The following C10orf90 variants were observed in gnomAD, a reference collection of about 807,000 sequenced individuals.
C10orf90 encodes (E2-independent) E3 ubiquitin-conjugating enzyme FATS.
A neutral mutation model predicts 62.5 loss-of-function variants in C10orf90; 56 were observed. The ratio of observed to expected loss-of-function variants is 0.90; its 90% CI spans 0.72 to 1.12. C10orf90 has a LOEUF of 1.12. Among genes scored for constraint, C10orf90 ranks in the 50% most tolerant of loss-of-function variants. The pLI is 0.00. For synonymous variants in C10orf90, 386 were observed against 340.4 expected (o/e 1.13, Z -1.47); for missense variants, 970 against 880.4 (o/e 1.10, Z -1.29).
At chr10:126,489,990 A>T (rs1191353097) in intron 4 of C10orf90, among the ~76,000 whole-genome samples, 8 of 103,528 alleles carry the variant, frequency 7.7e-5, no homozygotes, top group Admixed American at 1.3e-4. Flanking sequence ...TATATATATA[A>T]TATATATTAT....
intron 1 of C10orf90, among the ~76,000 whole-genome samples, chr10:126,647,952 ATGT>A (rs1846204408): frequency 6.6e-6 from 1 of 152,114 alleles, no homozygotes; most frequent in Admixed American, 6.6e-5. Context: ...TGTGTTCCAA[ATGT>A]TGTTTTTGTT....
intron 2 of C10orf90, among the ~76,000 whole-genome samples, chr10:126,598,448 G>T (rs1845129708): frequency 6.6e-6 from 1 of 151,618 alleles, no homozygotes; most frequent in African/African-American, 2.4e-5. Context: ...TAATATCTTT[G>T]AGCACCAAAT....
chr10:126,446,916 G>T (rs1380740098), intron 7 of C10orf90, among the ~76,000 whole-genome samples: 1 of 152,064 alleles, frequency 6.6e-6, no homozygotes, highest in East Asian at 1.9e-4. Context: ...ACAGAATTTT[G>T]TGTAAAATCA....
At chr10:126,669,982 C>A (rs1265707571) in intron 1 of C10orf90, among the ~76,000 whole-genome samples, 1 of 152,162 alleles carries the variant, frequency 6.6e-6, no homozygotes, top group Admixed American at 6.5e-5. Context: ...GTCTTTGGAG[C>A]ACCAATAAAG....
At chr10:126,619,437 A>G (rs1845604455) in intron 2 of C10orf90, among the ~76,000 whole-genome samples, 1 of 152,150 alleles carries the variant, frequency 6.6e-6, no homozygotes, top group Non-Finnish European at 1.5e-5. Context: ...AACTGCTTCA[A>G]ATCTTTATAA....
intron 2 of C10orf90, among the ~76,000 whole-genome samples, chr10:126,594,442 T>A (rs1011364352): frequency 1.3e-5 from 2 of 152,172 alleles, no homozygotes; most frequent in Admixed American, 6.5e-5. Flanking sequence ...TCCTGAGTTA[T>A]GTGACTCACT....
chr10:126,575,839 T>C (rs11816654), intron 2 of C10orf90, among the ~76,000 whole-genome samples: 5,182 of 152,144 alleles, frequency 0.034, 299 homozygotes, highest in African/African-American at 0.12. Context: ...ATCTCTTCAA[T>C]ATATAGTGCT....
intron 1 of C10orf90, among the ~76,000 whole-genome samples, 195 bp downstream of exon 1, chr10:126,670,046 C>A (rs931543758): frequency 2.0e-5 from 3 of 152,238 alleles, no homozygotes; most frequent in Admixed American, 1.3e-4. Flanking sequence ...ATATACTTTC[C>A]CCCTCCCCCA....
intron 2 of C10orf90, among the ~76,000 whole-genome samples, chr10:126,633,505 G>T (rs565286701): frequency 2.1e-4 from 32 of 152,358 alleles, no homozygotes; most frequent in African/African-American, 7.7e-4. Flanking sequence ...AGGAGGCTCC[G>T]TGGCAAGCTG....
intron 2 of C10orf90, among the ~76,000 whole-genome samples, chr10:126,634,713 A>G (rs1341582590): frequency 1.3e-5 from 2 of 152,226 alleles, no homozygotes; most frequent in Non-Finnish European, 2.9e-5. Context: ...AATGCAAGGT[A>G]GGTACTATCA....
chr10:126,534,037 A>G (rs959102655), intron 2 of C10orf90, among the ~76,000 whole-genome samples: 1 of 152,222 alleles, frequency 6.6e-6, no homozygotes, highest in Admixed American at 6.5e-5. Flanking sequence ...AAGAGGGAGG[A>G]GGAGATGTGA....
chr10:126,613,977 GA>G (rs1363750097), intron 2 of C10orf90, among the ~76,000 whole-genome samples: 2 of 152,172 alleles, frequency 1.3e-5, no homozygotes. Context: ...GAGGCTCCAT[GA>G]ATCTGATGCC....
At chr10:126,614,734 C>T (rs953099180) in intron 2 of C10orf90, among the ~76,000 whole-genome samples, 1 of 152,182 alleles carries the variant, frequency 6.6e-6, no homozygotes, top group African/African-American at 2.4e-5. Context: ...TGCTCGATGA[C>T]TCCAAAGGAC....
chr10:126,598,603 A>C (rs1278369431), intron 2 of C10orf90, among the ~76,000 whole-genome samples: 1 of 152,092 alleles, frequency 6.6e-6, no homozygotes, highest in East Asian at 1.9e-4. Flanking sequence ...GTCTTCCTCT[A>C]TCAGATCTGT....
intron 2 of C10orf90, among the ~76,000 whole-genome samples, chr10:126,644,396 C>T (rs1172305062): frequency 6.6e-6 from 1 of 152,232 alleles, no homozygotes; most frequent in Non-Finnish European, 1.5e-5. Flanking sequence ...CGGGAAGACA[C>T]AGAAAACATG....
intron 2 of C10orf90, among the ~76,000 whole-genome samples, chr10:126,629,823 C>T (rs1845816703): frequency 6.6e-6 from 1 of 152,024 alleles, no homozygotes; most frequent in Admixed American, 6.5e-5. Flanking sequence ...AAGCACTGTC[C>T]AGGGACAGGC....
At chr10:126,526,798 C>T (rs953151406) in intron 2 of C10orf90, among the ~76,000 whole-genome samples, 31 of 152,184 alleles carry the variant, frequency 2.0e-4, no homozygotes, top group Admixed American at 5.2e-4. Context: ...TGGACATATC[C>T]TATAAATTGA....
In C10orf90 at chr10:126,504,256, A is replaced by G; in HGVS notation, c.1235T>C (p.Ile412Thr). Reference sequence around the variant, plus strand: ...GAGCTCCTGCTTCAGGGCTTCGCTTATTGGCTCTCTGTTCACTAGGCCATC... The same window carrying G: ...GAGCTCCTGCTTCAGGGCTTCGCTTGTTGGCTCTCTGTTCACTAGGCCATC... ...GVDGLVNREPISEALKQELLE... is the reference protein window; with the variant it reads ...GVDGLVNREPTSEALKQELLE... Residue 412 changes from isoleucine (I) to threonine (T), a missense_variant, in exon 4 of 10, where the codon ATA (isoleucine) becomes ACA (threonine). Coordinates refer to ENST00000488181, the MANE Select transcript of C10orf90 (RefSeq NM_001350921.2). This position sits in a 1 kb window ranked among gnomAD's most constrained non-coding sequence, Gnocchi z 4.1. 6.2e-7 allele frequency: 1 copy of G among 1,614,128 alleles called. No homozygotes were observed. Among genetic ancestry groups the G allele is most frequent in the Non-Finnish European group, 8.5e-7 (1 of 1,180,028 alleles).
intron 7 of C10orf90, among the ~76,000 whole-genome samples, chr10:126,439,959 T>TGGGA (rs974654941): frequency 2.0e-5 from 3 of 152,092 alleles, no homozygotes; most frequent in African/African-American, 7.2e-5. Context: ...AGGAATCCTT[T>TGGGA]GGGAGGGCAG....
Sources: allele counts gnomAD v4.1 joint callset (sites outside exome capture counted in the v4.1 genomes callset), GRCh38; gene constraint gnomAD v4.1.1; non-coding constraint Gnocchi (gnomAD v3.1); transcripts MANE v1.5; gene names NCBI Gene and HGNC (gene_info 2026-07-23, HGNC 2026-07-21).